The following TRIM68 variants were observed in gnomAD, a reference collection of about 807,000 sequenced individuals.
TRIM68 encodes the protein E3 ubiquitin-protein ligase TRIM68.
A neutral mutation model predicts 41.9 loss-of-function variants in TRIM68; 36 were observed. That is an observed-to-expected ratio of 0.86 (90% CI 0.66 to 1.14). The LOEUF (loss-of-function observed/expected upper bound fraction) is 1.14. Among genes scored for constraint, TRIM68 ranks in the 50% most tolerant of loss-of-function variants. The pLI is 0.00. For missense variants in TRIM68, 632 were observed against 605.1 expected, an observed-to-expected ratio of 1.04 and a Z score of -0.47; for synonymous variants, 225 against 224.6, an observed-to-expected ratio of 1.00 and a Z score of -0.02.
rs1846470361 is a variant in TRIM68, at chr11:4,600,589, T to C, written c.1145A>G (p.Lys382Arg). ...LGVCKQNVDR[K>R]EVVYLSPHYG... ...GTGGGGGGATAAGTAGACCACCTCC[T>C]TCCGGTCTACATTTTGCTTACATAC... is the stretch of plus-strand genomic sequence containing the variant. The change falls in exon 7 of 7, where the codon AAG becomes AGG. Residue 382 changes from lysine to arginine, a missense_variant. Transcript: ENST00000300747. 2 of 1,614,006 alleles carry C rather than the reference T, an allele frequency of 1.2e-6. No homozygotes were observed. The highest frequency in any genetic ancestry group is 1.7e-6 in the Non-Finnish European group (2 of 1,180,022).
rs1846453790 is a variant in TRIM68 at position 4,599,911 on chromosome 11, C to T, written c.*365G>A. ...GTCCTGAAGACTGTATCTACTTCAT[C>T]ATCCTCACTGACTGAACTGTGACAC... is the stretch of plus-strand genomic sequence containing the variant. On this transcript the variant is annotated 3_prime_UTR_variant, in exon 7 of 7. Transcript: ENST00000300747. 5.3e-6 allele frequency: 1 copy of T among 189,482 alleles called. No homozygotes were observed. Among genetic ancestry groups the T allele is most frequent in the Non-Finnish European group, 1.1e-5 (1 of 91,612 alleles). 11.7% of individuals were successfully genotyped at this position (189,482 alleles called of 1,614,324 possible).
chr11:4,603,058 A>G (rs1471742644), intron 3 of TRIM68, among the ~76,000 whole-genome samples, 187 bp downstream of exon 3: 1 of 152,180 alleles, frequency 6.6e-6, no homozygotes, highest in Non-Finnish European at 1.5e-5. Flanking sequence ...CCCCATGGAG[A>G]AACTGGAATT....
Position 4,605,439 on chromosome 11 carries a change from G to A in TRIM68, c.66C>T (p.Phe22=). The change falls in exon 2 of 7, where the codon TTC becomes TTT. Residue 22 remains phenylalanine, a synonymous_variant. Coordinates refer to ENST00000300747, the MANE Select transcript of TRIM68 (RefSeq NM_018073.8). ...AGTCAATGCTCATGGGCTCCCTCAG[G>A]AAGGTCATACAGATGGGACAGGCCA... ...EEVACPICMT[F]LREPMSIDCG... The A allele has an allele frequency of 1.2e-6, 2 of 1,614,188 alleles. No homozygotes were observed. Among genetic ancestry groups the A allele is most frequent in the African/African-American group, 1.3e-5 (1 of 75,040 alleles).
intron 4 of TRIM68, 130 bp downstream of exon 4, chr11:4,602,022 G>T: frequency 7.4e-7 from 1 of 1,357,946 alleles, no homozygotes; most frequent in Non-Finnish European, 1.0e-6. Flanking sequence ...ATTAGCTGGG[G>T]AAACACAGGA....
At chr11:4,602,014 T>A (rs938430309) in intron 4 of TRIM68, 138 bp downstream of exon 4, 119 of 1,276,164 alleles carry the variant, frequency 9.3e-5, no homozygotes, top group Admixed American at 2.3e-4. Context: ...CAGCAGGTAT[T>A]AGCTGGGGAA....
chr11:4,602,516 G>T, intron 3 of TRIM68, 104 bp from the exon 4 acceptor site: 1 of 1,440,820 alleles, frequency 6.9e-7, no homozygotes, highest in Non-Finnish European at 9.4e-7. Context: ...CCAACCACGT[G>T]ACAGGCTATG....
Position 4,600,248 on chromosome 11 carries a change from A to C in TRIM68, c.*28T>G, listed in dbSNP as rs751617436. ...CCCATGGGGGCCAGGCCCAATTCCA[A>C]GCCTCTCTGGTTAGGGTGGTAGCTT... is the stretch of plus-strand genomic sequence containing the variant. On this transcript the variant is annotated 3_prime_UTR_variant, in exon 7 of 7. Coordinates refer to ENST00000300747, the MANE Select transcript of TRIM68 (RefSeq NM_018073.8). 8.5e-6 allele frequency: 13 copies of C among 1,530,268 alleles called. No homozygotes were observed. The African/African-American group carries it at 1.8e-4, about 21-fold the overall frequency. The allele number at this position is 1,530,268 out of a possible 1,614,324, so 94.8% of individuals were successfully genotyped here.
rs1361069120 is a variant in TRIM68 at position 4,598,829 on chromosome 11, G to A, written c.*1447C>T. Reference sequence around the variant, plus strand: ...GCCCAAAAGGTCTAGACTGCCAGCAGAGGCCCTGAGACAAAGGCACTGCTA... The same window carrying A: ...GCCCAAAAGGTCTAGACTGCCAGCAAAGGCCCTGAGACAAAGGCACTGCTA... On this transcript the variant is annotated 3_prime_UTR_variant, in exon 7 of 7. Coordinates refer to ENST00000300747, the MANE Select transcript of TRIM68 (RefSeq NM_018073.8). 6.6e-6 allele frequency: 1 copy of A among 152,220 alleles called. No homozygotes were observed. The highest frequency in any genetic ancestry group is 2.4e-5 in the African/African-American group (1 of 41,462). The allele number at this position is 152,220 out of a possible 1,614,324, so 9.4% of individuals were successfully genotyped here.
At chr11:4,603,434 C>T (rs1000800529) in intron 2 of TRIM68, 94 bp from the exon 3 acceptor site, 150 of 1,142,636 alleles carry the variant, frequency 1.3e-4, no homozygotes, top group African/African-American at 1.0e-3. Context: ...TTCAGGCAAC[C>T]GGCCACAGTG....
At chr11:4,607,530 T>C (rs780321244) in intron 1 of TRIM68, among the ~76,000 whole-genome samples, 13 of 152,174 alleles carry the variant, frequency 8.5e-5, no homozygotes, top group South Asian at 2.1e-4. Flanking sequence ...ATTGACAAGA[T>C]TGTGGCAGTA....
Position 4,600,306 on chromosome 11 carries a change from C to T in TRIM68, c.1428G>A (p.Leu476=). The change falls in exon 7 of 7, where the codon CTG becomes CTA. Residue 476 remains leucine (L), a synonymous_variant. Transcript: ENST00000300747. ...YSIGTNNTAP[L]AICSLDGED ...CCTCCCCATCCAGGGAGCAGATGGC[C>T]AGAGGAGCAGTGTTGTTGGTTCCAA... 6.3e-7 allele frequency: 1 copy of T among 1,596,150 alleles called. No homozygotes were observed. The highest frequency in any genetic ancestry group is 8.5e-7 in the Non-Finnish European group (1 of 1,170,684).
At chr11:4,601,896 C>G in intron 4 of TRIM68, 1 of 769,720 alleles carries the variant, frequency 1.3e-6, no homozygotes, top group Non-Finnish European at 2.1e-6. Flanking sequence ...CATCTCAAGA[C>G]TCTCGGGCTA....
rs1248307666 is a variant in TRIM68, at chr11:4,605,208, C to G, written c.297G>C (p.Glu99Asp). The change falls in exon 2 of 7, where the codon GAG (glutamate) becomes GAC (aspartate). Residue 99 changes from glutamate to aspartate, a missense_variant. Transcript: ENST00000300747. Reference sequence around the variant, plus strand: ...ACATCTTCAGCTTTTCCCCATGGCGCTCACACAGGTCACCCTTCAGCCCCA... The same window carrying G: ...ACATCTTCAGCTTTTCCCCATGGCGGTCACACAGGTCACCCTTCAGCCCCA... ...PGMGLKGDLC[E>D]RHGEKLKMFC... 8 of 1,614,160 alleles carry G rather than the reference C, an allele frequency of 5.0e-6. No individual in the cohort carries two copies. The African/African-American group carries it at 5.3e-5, about 11-fold the overall frequency.
In TRIM68 at chr11:4,600,812, C is replaced by T. The variant is rs1564864685; in HGVS notation, c.922G>A (p.Asp308Asn). The change falls in exon 7 of 7, where the codon GAT (aspartate) becomes AAT (asparagine). Residue 308 changes from aspartate (D) to asparagine (N), a missense_variant. By Grantham distance (23) the Asp-to-Asn change is conservative. Transcript: ENST00000300747. ...AGACGGGAGTAAGCAGTATCTGGAT[C>T]CAAGCGCACATCAGCTAGAAGAAAA... The part of the protein sequence containing the change: ...LKTYAADVRL[D>N]PDTAYSRLIV... 2 of 1,612,694 alleles carry T rather than the reference C, an allele frequency of 1.2e-6. No homozygotes were observed. Among genetic ancestry groups the T allele is most frequent in the East Asian group, 4.5e-5 (2 of 44,832 alleles).
At chr11:4,604,516 C>T (rs1846540155) in intron 2 of TRIM68, among the ~76,000 whole-genome samples, 1 of 152,146 alleles carries the variant, frequency 6.6e-6, no homozygotes, top group Non-Finnish European at 1.5e-5. Context: ...ACTAACTGGA[C>T]CTGAAGTCAG....
chr11:4,605,199 C>T lies in TRIM68; in HGVS notation c.306G>A (p.Gly102=). 1.2e-6 allele frequency: 2 copies of T among 1,614,246 alleles called. No homozygotes were observed. Among genetic ancestry groups the T allele is most frequent in the Non-Finnish European group, 1.7e-6 (2 of 1,180,054 alleles). ...CTTTGCAGAACATCTTCAGCTTTTCCCCATGGCGCTCACACAGGTCACCCT... is the reference window on the plus strand; with the variant it reads ...CTTTGCAGAACATCTTCAGCTTTTCTCCATGGCGCTCACACAGGTCACCCT... ...GLKGDLCERH[G]EKLKMFCKED... Residue 102 remains glycine, a synonymous_variant, in exon 2 of 7, where the codon GGG becomes GGA. Transcript: ENST00000300747.
intron 1 of TRIM68, among the ~76,000 whole-genome samples, chr11:4,607,648 G>A (rs1846588307): frequency 6.6e-6 from 1 of 152,222 alleles, no homozygotes; most frequent in African/African-American, 2.4e-5. Flanking sequence ...CAAACTAAAA[G>A]TGGCAGCCTC....
intron 1 of TRIM68, 52 bp from the exon 2 acceptor site, chr11:4,605,613 G>T: frequency 9.2e-7 from 1 of 1,081,498 alleles, no homozygotes; most frequent in Non-Finnish European, 1.3e-6. Context: ...CAGAGGAACA[G>T]AGAGATCAGT....
intron 2 of TRIM68, among the ~76,000 whole-genome samples, chr11:4,603,836 T>A (rs991931952): frequency 2.0e-5 from 3 of 152,208 alleles, no homozygotes; most frequent in Admixed American, 6.5e-5. Context: ...TAAGAAGCAC[T>A]TTCCTAGAAT....
Sources: allele counts gnomAD v4.1 joint callset (sites outside exome capture counted in the v4.1 genomes callset), GRCh38; gene constraint gnomAD v4.1.1; transcripts MANE v1.5; gene names NCBI Gene and HGNC (gene_info 2026-07-23, HGNC 2026-07-21).